HADHA: variants seen among roughly 807,000 people sequenced by gnomAD.
HADHA encodes trifunctional enzyme subunit alpha, mitochondrial.
HADHA carries 59 observed loss-of-function variants against 91.3 expected under a neutral mutation model. The observed-to-expected ratio is 0.65, with a 90% CI of 0.52 to 0.80. The LOEUF (loss-of-function observed/expected upper bound fraction) is 0.80. HADHA is among the 30% of genes least tolerant of loss of function. The pLI, the probability that HADHA is intolerant of heterozygous loss-of-function variation, is 0.00. For missense variants in HADHA, 800 were observed against 927.6 expected, an observed-to-expected ratio of 0.86 and a Z score of 1.79; for synonymous variants, 320 against 338.9, an observed-to-expected ratio of 0.94 and a Z score of 0.61.
chr2:26,211,273 G>T (rs1670093830), intron 10 of HADHA, among the ~76,000 whole-genome samples: 1 of 152,070 alleles, frequency 6.6e-6, no homozygotes, highest in South Asian at 2.1e-4. Context: ...TAAAAAATCA[G>T]AAATGCCCAA....
intron 13 of HADHA, among the ~76,000 whole-genome samples, chr2:26,200,385 A>G (rs1669797746): frequency 6.6e-6 from 1 of 152,106 alleles, no homozygotes; most frequent in African/African-American, 2.4e-5. Context: ...CCCCACTTCA[A>G]GTACTTGTTT....
chr2:26,201,393 G>GCA, intron 12 of HADHA, 73 bp from the exon 13 acceptor site: 1 of 1,010,214 alleles, frequency 9.9e-7, no homozygotes, highest in South Asian at 1.3e-5. Flanking sequence ...ATGGGCCAGA[G>GCA]CACACCTGTG....
At chr2:26,231,155 T>C (rs1670612045) in intron 6 of HADHA, among the ~76,000 whole-genome samples, 1 of 152,106 alleles carries the variant, frequency 6.6e-6, no homozygotes, top group Non-Finnish European at 1.5e-5. Flanking sequence ...GATACACATA[T>C]ATGCATATTC....
chr2:26,194,349 C>G (rs1317895740), intron 16 of HADHA, among the ~76,000 whole-genome samples: 1 of 152,078 alleles, frequency 6.6e-6, no homozygotes, highest in African/African-American at 2.4e-5. Context: ...CTTGCTGGAA[C>G]AGTGAGGAGG....
chr2:26,212,629 A>G lies in HADHA; in HGVS notation c.919-3T>C. ...TGCTCAATTCCAGTCTTTACCACCT[A>G]AAAAACATATAAAGCACTTGCTCAG... On this transcript the variant is annotated splice_region_variant and splice_polypyrimidine_tract_variant and intron_variant, in intron 9 of 19. Coordinates refer to ENST00000380649, the MANE Select transcript of HADHA (RefSeq NM_000182.5). 1 of 1,588,030 alleles carries G rather than the reference A, an allele frequency of 6.3e-7. No homozygotes were observed. Among genetic ancestry groups the G allele is most frequent in the Non-Finnish European group, 8.6e-7 (1 of 1,156,154 alleles).
intron 1 of HADHA, among the ~76,000 whole-genome samples, chr2:26,241,584 G>A (rs1670891214): frequency 6.6e-6 from 1 of 152,016 alleles, no homozygotes; most frequent in Non-Finnish European, 1.5e-5. Flanking sequence ...CCGGGAGGCG[G>A]AGGTTGCAGT....
chr2:26,224,312 C>T (rs184623856), intron 7 of HADHA, among the ~76,000 whole-genome samples: 1 of 152,258 alleles, frequency 6.6e-6, no homozygotes, highest in African/African-American at 2.4e-5. Context: ...TGTTACTTTC[C>T]TTTTGGGTTG....
intron 13 of HADHA, among the ~76,000 whole-genome samples, chr2:26,199,683 C>T (rs892735948): frequency 9.2e-5 from 14 of 152,182 alleles, no homozygotes; most frequent in African/African-American, 2.9e-4. Flanking sequence ...CTACCTAGAC[C>T]TGTGGGGCCC....
At chr2:26,202,316 C>T (rs1290998029) in intron 12 of HADHA, among the ~76,000 whole-genome samples, 1 of 152,204 alleles carries the variant, frequency 6.6e-6, no homozygotes, top group Non-Finnish European at 1.5e-5. Flanking sequence ...TAGATTCCGT[C>T]TGACCACACT....
chr2:26,209,993 G>T, intron 10 of HADHA, 104 bp from the exon 11 acceptor site: 1 of 766,432 alleles, frequency 1.3e-6, no homozygotes, highest in Non-Finnish European at 2.4e-6. Context: ...TGCATGTGAA[G>T]CCTGAGTCCC....
intron 3 of HADHA, among the ~76,000 whole-genome samples, chr2:26,238,295 T>C (rs1670810862): frequency 6.6e-6 from 1 of 152,184 alleles, no homozygotes; most frequent in Non-Finnish European, 1.5e-5. Flanking sequence ...TGAGCCACAG[T>C]GCCCAGCCTG....
chr2:26,207,432 AT>A (rs1669997850), intron 11 of HADHA, among the ~76,000 whole-genome samples: 1 of 152,120 alleles, frequency 6.6e-6, no homozygotes, highest in Non-Finnish European at 1.5e-5. Context: ...GTATAACAGA[AT>A]CCACAGCTAA....
intron 12 of HADHA, among the ~76,000 whole-genome samples, chr2:26,201,611 A>G (rs757765378): frequency 3.3e-5 from 5 of 152,148 alleles, no homozygotes; most frequent in Non-Finnish European, 7.4e-5. Context: ...TCACTCTTAA[A>G]CCAGTTAAAT....
chr2:26,215,220 C>T (rs1318969451), intron 7 of HADHA, 45 bp from the exon 8 acceptor site: 1 of 1,600,200 alleles, frequency 6.2e-7, no homozygotes, highest in Admixed American at 1.7e-5. Context: ...AGGCTTAGAC[C>T]AGTCCCAGGT....
chr2:26,201,016 G>A (rs1669817971), intron 13 of HADHA, 133 bp downstream of exon 13: 6 of 751,510 alleles, frequency 8.0e-6, no homozygotes, highest in Middle Eastern at 4.8e-4. Flanking sequence ...ATAGGCGTGA[G>A]CCACCATGCC....
At chr2:26,193,293 C>CTTTTTTTTT (rs370942158) in intron 17 of HADHA, among the ~76,000 whole-genome samples, 1 of 115,166 alleles carries the variant, frequency 8.7e-6, no homozygotes, top group African/African-American at 3.5e-5. Flanking sequence ...CACATGACAT[C>CTTTTTTTTT]TTTTTTTTTT....
chr2:26,235,758 T>C (rs1207092929), intron 4 of HADHA, among the ~76,000 whole-genome samples: 1 of 152,222 alleles, frequency 6.6e-6, no homozygotes, highest in Non-Finnish European at 1.5e-5. Flanking sequence ...CAAATACCCA[T>C]ATTTTAATGG....
rs779708629 is a variant in HADHA at position 26,192,270 on chromosome 2, A to G, written c.2000+40T>C. On this transcript the variant is annotated intron_variant, in intron 18 of 19. Coordinates refer to ENST00000380649, the MANE Select transcript of HADHA (RefSeq NM_000182.5). ...GCTGGGAAGCTTTGGGCTGTCAGAGAAAGTCAATTTCCAGGCATTAGCCAC... is the reference window on the plus strand; with the variant it reads ...GCTGGGAAGCTTTGGGCTGTCAGAGGAAGTCAATTTCCAGGCATTAGCCAC... The G allele has an allele frequency of 4.8e-6, 5 of 1,046,922 alleles. No individual in the cohort carries two copies. In the East Asian group the frequency reaches 1.2e-4, roughly 25 times the overall value. 64.9% of individuals were successfully genotyped at this position (1,046,922 alleles called of 1,614,324 possible).
intron 11 of HADHA, among the ~76,000 whole-genome samples, chr2:26,205,037 A>G (rs1361531537): frequency 6.6e-6 from 1 of 152,186 alleles, no homozygotes; most frequent in Non-Finnish European, 1.5e-5. Context: ...GAATTCCTCT[A>G]GAACTTCTCA....
Sources: allele counts gnomAD v4.1 joint callset (sites outside exome capture counted in the v4.1 genomes callset), GRCh38; gene constraint gnomAD v4.1.1; transcripts MANE v1.5; gene names NCBI Gene and HGNC (gene_info 2026-07-23, HGNC 2026-07-21).